CNBD1: variants seen among roughly 807,000 people sequenced by gnomAD.
CNBD1 encodes the protein cyclic nucleotide-binding domain-containing protein 1.
A neutral mutation model predicts 54.4 loss-of-function variants in CNBD1; 71 were observed. The ratio of observed to expected loss-of-function variants is 1.30; its 90% confidence interval spans 1.08 to 1.59. The LOEUF (loss-of-function observed/expected upper bound fraction) is 1.59, where lower values mean the gene tolerates loss of function less well. Among genes scored for constraint, CNBD1 ranks in the 40% most tolerant of loss-of-function variants. The probability of loss-of-function intolerance (pLI) is 0.00; values close to 1 mark genes in which losing one functional copy is unlikely to be tolerated. For missense variants in CNBD1, 659 were observed against 518.0 expected, an observed-to-expected ratio of 1.27 and a Z score of -2.64; for synonymous variants, 182 against 170.7, an observed-to-expected ratio of 1.07 and a Z score of -0.51.
intron 4 of CNBD1, among the ~76,000 whole-genome samples, chr8:87,038,956 G>A (rs1810005794): frequency 6.6e-6 from 1 of 152,138 alleles, no homozygotes; most frequent in Admixed American, 6.5e-5. Flanking sequence ...GTGGCCCTTT[G>A]AGTTGCAAAT....
intron 4 of CNBD1, among the ~76,000 whole-genome samples, chr8:87,159,077 A>C (rs1227705440): frequency 1.3e-5 from 2 of 152,128 alleles, no homozygotes; most frequent in Non-Finnish European, 2.9e-5. Context: ...CCAAACATTT[A>C]GTTTTCTTAG....
intron 6 of CNBD1, among the ~76,000 whole-genome samples, chr8:87,278,365 A>G (rs7835052): frequency 0.28 from 42,582 of 151,390 alleles, 6,438 homozygotes; most frequent in African/African-American, 0.39. Context: ...AAGTGAAACA[A>G]CCACAACTAG....
At chr8:87,422,644 G>T (rs1384080095) in intron 2 of CNBD1, among the ~76,000 whole-genome samples, 2 of 152,112 alleles carry the variant, frequency 1.3e-5, no homozygotes, top group Non-Finnish European at 2.9e-5. Context: ...GCTCTGTTTA[G>T]GTACCAGTAC....
intron 4 of CNBD1, among the ~76,000 whole-genome samples, chr8:87,000,517 A>G (rs1219577498): frequency 1.3e-5 from 2 of 152,148 alleles, no homozygotes; most frequent in Non-Finnish European, 2.9e-5. Context: ...ATCTCATTTT[A>G]CCTTAGTTTT....
intron 8 of CNBD1, among the ~76,000 whole-genome samples, chr8:87,306,654 A>G (rs1809157454): frequency 6.6e-6 from 1 of 152,142 alleles, no homozygotes; most frequent in African/African-American, 2.4e-5. Context: ...AAGTGAGGTA[A>G]CTCAGGATGG....
chr8:87,319,289 CT>C (rs1336544551), intron 8 of CNBD1, among the ~76,000 whole-genome samples: 1 of 152,046 alleles, frequency 6.6e-6, no homozygotes, highest in Non-Finnish European at 1.5e-5. Context: ...GTAGAACTGG[CT>C]AAAATGGACA....
At chr8:87,297,163 C>CAAA (rs555582073) in intron 8 of CNBD1, among the ~76,000 whole-genome samples, 24 of 88,654 alleles carry the variant, frequency 2.7e-4, no homozygotes, top group African/African-American at 3.8e-4. Context: ...GGGTCCGTCT[C>CAAA]AAAAAAAAAA....
chr8:87,230,603 C>T (rs1319011407), intron 5 of CNBD1, among the ~76,000 whole-genome samples: 1 of 152,058 alleles, frequency 6.6e-6, no homozygotes, highest in Non-Finnish European at 1.5e-5. Flanking sequence ...GCCTTGGTTT[C>T]TTCATCTGCA....
chr8:87,417,744 T>G (rs923966258), intron 2 of CNBD1, among the ~76,000 whole-genome samples: 1 of 151,986 alleles, frequency 6.6e-6, no homozygotes, highest in South Asian at 2.1e-4. Context: ...TCATTTATGA[T>G]AGTATCAATA....
chr8:87,236,352 A>G (rs1807584595), intron 5 of CNBD1, among the ~76,000 whole-genome samples: 1 of 152,124 alleles, frequency 6.6e-6, no homozygotes, highest in South Asian at 2.1e-4. Flanking sequence ...GTTGGATGAC[A>G]GTTTTTAGAG....
intron 6 of CNBD1, among the ~76,000 whole-genome samples, chr8:87,239,111 C>T (rs1487093416): frequency 6.6e-6 from 1 of 151,956 alleles, no homozygotes; most frequent in Non-Finnish European, 1.5e-5. Context: ...CAGTTAAGCT[C>T]TAAATCCAGT....
chr8:87,253,977 C>T (rs1267208574), intron 6 of CNBD1, among the ~76,000 whole-genome samples: 2 of 152,142 alleles, frequency 1.3e-5, no homozygotes, highest in Non-Finnish European at 2.9e-5. Context: ...GGATAAAGAT[C>T]TCTAAATTAG....
intron 6 of CNBD1, among the ~76,000 whole-genome samples, chr8:87,275,566 C>A (rs1373212017): frequency 6.6e-6 from 1 of 150,830 alleles, no homozygotes; most frequent in Non-Finnish European, 1.5e-5. Flanking sequence ...ATTGATGGGA[C>A]GTATCTCAAA....
intron 2 of CNBD1, among the ~76,000 whole-genome samples, chr8:86,901,986 C>T (rs1372169372): frequency 1.3e-5 from 2 of 152,088 alleles, no homozygotes; most frequent in East Asian, 1.9e-4. Context: ...TAGAGCAAGA[C>T]AATTGGAATG....
intron 3 of CNBD1, among the ~76,000 whole-genome samples, chr8:86,933,317 A>G (rs990220028): frequency 5.3e-4 from 81 of 152,130 alleles, no homozygotes; most frequent in African/African-American, 1.9e-3. Context: ...CAAAAATCCA[A>G]TTCACTACAG....
At chr8:86,960,646 A>G (rs1433978213) in intron 4 of CNBD1, among the ~76,000 whole-genome samples, 2 of 152,180 alleles carry the variant, frequency 1.3e-5, no homozygotes, top group African/African-American at 4.8e-5. Flanking sequence ...TGGTTCTCCC[A>G]GCACGGAGCT....
chr8:87,348,065 T>C (rs1212514900), intron 8 of CNBD1, among the ~76,000 whole-genome samples: 2 of 152,172 alleles, frequency 1.3e-5, no homozygotes, highest in African/African-American at 4.8e-5. Flanking sequence ...ACATTTATTT[T>C]TTTCTTATGC....
intron 4 of CNBD1, among the ~76,000 whole-genome samples, chr8:87,000,171 G>T (rs1052072836): frequency 6.6e-6 from 1 of 152,040 alleles, no homozygotes; most frequent in East Asian, 1.9e-4. Context: ...ACCCAGGTTG[G>T]AGGTGATTGG....
chr8:87,120,356 T>C (rs575154850), intron 4 of CNBD1, among the ~76,000 whole-genome samples: 1 of 152,088 alleles, frequency 6.6e-6, no homozygotes, highest in African/African-American at 2.4e-5. Context: ...ATTTTGTCAG[T>C]GTATAGTTGT....
Sources: gnomAD v4.1 joint callset for allele counts (sites outside exome capture counted in the v4.1 genomes callset) on GRCh38, gnomAD v4.1.1 for gene constraint, MANE v1.5 for transcripts, NCBI Gene and HGNC (gene_info 2026-07-23, HGNC 2026-07-21) for gene names.